Variants in WDR19 observed in about 807,000 individuals in gnomAD.
WDR19 encodes WD repeat-containing protein 19.
Under a neutral mutation model 180.0 loss-of-function variants are expected in WDR19, and 121 were observed. That is an observed-to-expected ratio of 0.67 (90% CI 0.58 to 0.78). WDR19 has a LOEUF of 0.78. Ranked by LOEUF, WDR19 falls within the 30% of genes least tolerant of loss-of-function variation. WDR19 has a pLI of 0.00. For missense variants in WDR19, 1,450 were observed against 1,640.7 expected, an observed-to-expected ratio of 0.88 and a Z score of 2.01; for synonymous variants, 497 against 540.7, an observed-to-expected ratio of 0.92 and a Z score of 1.12.
At position 39,185,710 on chromosome 4, in the gene WDR19, T is replaced by G; in HGVS notation, c.7-16T>G. 6.5e-7 allele frequency: 1 copy of G among 1,549,968 alleles called. No homozygotes were observed. Among genetic ancestry groups the G allele is most frequent in the Non-Finnish European group, 8.7e-7 (1 of 1,145,406 alleles). On this transcript the variant is annotated splice_polypyrimidine_tract_variant and intron_variant, in intron 1 of 36. Transcript: ENST00000399820. Reference sequence around the variant, plus strand: ...TGTATGTTTTGAAAATATTAAAAATTGTGTTTATTTTTTAGCGTATTTTCT... The same window carrying G: ...TGTATGTTTTGAAAATATTAAAAATGGTGTTTATTTTTTAGCGTATTTTCT...
At chr4:39,193,771 C>G (rs948399129) in intron 4 of WDR19, among the ~76,000 whole-genome samples, 1 of 152,178 alleles carries the variant, frequency 6.6e-6, no homozygotes, top group Non-Finnish European at 1.5e-5. Context: ...ATCAGAATCC[C>G]CTGGAGGGCT....
At chr4:39,201,725 G>A (rs1159010632) in intron 6 of WDR19, among the ~76,000 whole-genome samples, 79 of 151,960 alleles carry the variant, frequency 5.2e-4, no homozygotes, top group Admixed American at 5.2e-3. Context: ...ATAGATAGTG[G>A]ATTTTTTTTC....
chr4:39,185,327 A>T (rs1370627033), intron 1 of WDR19, among the ~76,000 whole-genome samples: 3 of 152,240 alleles, frequency 2.0e-5, no homozygotes, highest in African/African-American at 7.2e-5. Flanking sequence ...CATGTTTAAG[A>T]TAGCAATTTT....
chr4:39,203,688 AGATG>A lies in WDR19; in HGVS notation c.574_577del (p.Asp192ThrfsTer9). On this transcript the variant is annotated frameshift_variant, in exon 7 of 37. Transcript: ENST00000399820. LOFTEE classifies it high-confidence loss of function. ...AGCAACATGCAGTTTTTCTTGATGA[AGATG>A]GATGACCGAACCTCTGCTGCTGAAA... 1 of 1,612,932 alleles carries A rather than the reference AGATG, an allele frequency of 6.2e-7. No individual in the cohort carries two copies. The highest frequency in any genetic ancestry group is 1.1e-5 in the South Asian group (1 of 90,636).
intron 4 of WDR19, among the ~76,000 whole-genome samples, chr4:39,192,603 C>T (rs909690864): frequency 1.4e-4 from 21 of 151,800 alleles, no homozygotes; most frequent in Admixed American, 1.4e-3. Flanking sequence ...CCAAGTAGCT[C>T]GGTGCCCACC....
At chr4:39,228,401 C>T (rs757759465) in intron 16 of WDR19, 44 bp downstream of exon 16, 1 of 1,601,916 alleles carries the variant, frequency 6.2e-7, no homozygotes, top group Non-Finnish European at 8.5e-7. Context: ...GATGAATTTC[C>T]CATTGCAGTA....
At chr4:39,203,939 A>G (rs932543045) in intron 7 of WDR19, among the ~76,000 whole-genome samples, 1 of 152,214 alleles carries the variant, frequency 6.6e-6, no homozygotes. Flanking sequence ...TTCTGTTACA[A>G]TTGGTATTGC....
intron 21 of WDR19, among the ~76,000 whole-genome samples, chr4:39,241,335 A>G (rs1731916278): frequency 6.6e-6 from 1 of 152,110 alleles, no homozygotes; most frequent in Non-Finnish European, 1.5e-5. Flanking sequence ...TCTACTAGAA[A>G]TACAAAAATT....
chr4:39,185,511 G>T (rs1725419909), intron 1 of WDR19, among the ~76,000 whole-genome samples: 1 of 152,048 alleles, frequency 6.6e-6, no homozygotes, highest in African/African-American at 2.4e-5. Flanking sequence ...CCTATATCTT[G>T]AGATCTGTAA....
chr4:39,243,780 A>G (rs1223177079), intron 21 of WDR19, among the ~76,000 whole-genome samples: 1 of 152,232 alleles, frequency 6.6e-6, no homozygotes, highest in South Asian at 2.1e-4. Context: ...TCTTACTAGT[A>G]GAGATTAGTT....
At chr4:39,278,322 C>T (rs1736114026) in intron 35 of WDR19, 115 bp downstream of exon 35, 5 of 1,073,726 alleles carry the variant, frequency 4.7e-6, no homozygotes, top group Non-Finnish European at 6.8e-6. Context: ...TCTCTAAAGA[C>T]TCAAATTGTC....
intron 24 of WDR19, among the ~76,000 whole-genome samples, chr4:39,250,502 G>C (rs1733044486): frequency 6.6e-6 from 1 of 152,252 alleles, no homozygotes; most frequent in South Asian, 2.1e-4. Flanking sequence ...GGAAGTTCTG[G>C]CCAGGGCAAT....
intron 31 of WDR19, among the ~76,000 whole-genome samples, chr4:39,271,302 TA>T (rs1364125369): frequency 6.6e-6 from 1 of 152,260 alleles, no homozygotes; most frequent in Non-Finnish European, 1.5e-5. Context: ...GCATGTTTTT[TA>T]CCAAATTGGG....
At chr4:39,254,696 T>C (rs1246067905) in intron 26 of WDR19, among the ~76,000 whole-genome samples, 2 of 152,200 alleles carry the variant, frequency 1.3e-5, no homozygotes, top group Non-Finnish European at 2.9e-5. Context: ...TCATTCACGT[T>C]GTTATGCGGC....
chr4:39,265,412 G>T (rs188063689), intron 28 of WDR19, among the ~76,000 whole-genome samples: 1 of 152,116 alleles, frequency 6.6e-6, no homozygotes, highest in East Asian at 1.9e-4. Context: ...GAATGATACC[G>T]TTGTGTCAGT....
intron 34 of WDR19, 28 bp from the exon 35 acceptor site, chr4:39,278,103 A>C (rs752654828): frequency 1.3e-6 from 2 of 1,563,808 alleles, no homozygotes; most frequent in Non-Finnish European, 8.7e-7. Context: ...ATAAAGATGA[A>C]TTTAACTCTT....
chr4:39,241,518 C>T (rs1301041229), intron 21 of WDR19, among the ~76,000 whole-genome samples: 4 of 137,656 alleles, frequency 2.9e-5, no homozygotes, highest in African/African-American at 1.1e-4. Flanking sequence ...AAAGTGGGTC[C>T]GGGGCCGGGC....
chr4:39,275,560 G>A (rs1735815153), intron 33 of WDR19, among the ~76,000 whole-genome samples: 1 of 152,136 alleles, frequency 6.6e-6, no homozygotes. Context: ...ATGGTGGCAA[G>A]ACATCTGCCA....
In WDR19 at chr4:39,224,866, A is replaced by ATT. The variant is rs748620855; in HGVS notation, c.1480-4_1480-3dup. ...CTACCTTTTATATTTTCATGGCTGG[A>ATT]TTTTTTTTTTTTTTTAGACTGGTGT... On this transcript the variant is annotated splice_polypyrimidine_tract_variant and intron_variant, in intron 14 of 36. Coordinates refer to ENST00000399820, the MANE Select transcript of WDR19 (RefSeq NM_025132.4). 289 of 1,299,892 alleles carry ATT rather than the reference A, an allele frequency of 2.2e-4. No individual in the cohort carries two copies. The highest frequency in any genetic ancestry group is 9.2e-4 in the South Asian group (52 of 56,522). 80.5% of individuals were successfully genotyped at this position (1,299,892 alleles called of 1,614,324 possible).
Sources: allele counts gnomAD v4.1 joint callset (sites outside exome capture counted in the v4.1 genomes callset), GRCh38; gene constraint gnomAD v4.1.1; transcripts MANE v1.5; gene names NCBI Gene and HGNC (gene_info 2026-07-23, HGNC 2026-07-21).